Variants in CCDC8 observed in about 807,000 individuals in gnomAD.
CCDC8 encodes coiled-coil domain-containing protein 8.
Under a neutral mutation model 5.2 loss-of-function variants are expected in CCDC8, and 6 were observed. The observed-to-expected ratio is 1.16, with a 90% CI of 0.63 to 2.28. The LOEUF (loss-of-function observed/expected upper bound fraction) is 2.28. Among genes scored for constraint, CCDC8 ranks in the 30% most tolerant of loss-of-function variants. The probability of loss-of-function intolerance (pLI) is 0.00; values close to 1 mark genes in which losing one functional copy is unlikely to be tolerated. For synonymous variants in CCDC8, 310 were observed against 286.5 expected (o/e 1.08, Z -0.83); for missense variants, 724 against 712.2 (o/e 1.02, Z -0.19).
Position 46,410,539 on chromosome 19 carries a change from G to C in CCDC8, c.*655C>G, listed in dbSNP as rs1307884662. Reference sequence around the variant, plus strand: ...TGTCTCCATCATCAAGGATGGGAGTGGAACGGACAGCAAGGGCCAGGTCAC... The same window carrying C: ...TGTCTCCATCATCAAGGATGGGAGTCGAACGGACAGCAAGGGCCAGGTCAC... On this transcript the variant is annotated 3_prime_UTR_variant, in exon 1 of 1. Transcript: ENST00000307522. 1.3e-5 allele frequency: 2 copies of C among 152,532 alleles called. No homozygotes were observed. The highest frequency in any genetic ancestry group is 2.9e-5 in the Non-Finnish European group (2 of 68,334). 9.4% of individuals were successfully genotyped at this position (152,532 alleles called of 1,614,324 possible).
At position 46,411,383 on chromosome 19, in the gene CCDC8, C is replaced by G; in HGVS notation, c.1428G>C (p.Lys476Asn). The G allele has an allele frequency of 6.2e-7, 1 of 1,614,236 alleles. No homozygotes were observed. Among genetic ancestry groups the G allele is most frequent in the Non-Finnish European group, 8.5e-7 (1 of 1,180,030 alleles). Reference protein sequence around the residue: ...APGARARKQVKTVRFQTPGRF... With the variant: ...APGARARKQVNTVRFQTPGRF... ...GTCCAGGGGTCTGGAACCTCACTGTCTTGACCTGTTTCCGGGCCCTGGCTC... is the reference window on the plus strand; with the variant it reads ...GTCCAGGGGTCTGGAACCTCACTGTGTTGACCTGTTTCCGGGCCCTGGCTC... Residue 476 changes from lysine to asparagine, a missense_variant, in exon 1 of 1, where the codon AAG becomes AAC. Transcript: ENST00000307522.
rs758223111 is a variant in CCDC8 at position 46,411,350 on chromosome 19, C to T, written c.1461G>A (p.Ser487=). The T allele has an allele frequency of 8.9e-5, 143 of 1,614,200 alleles. 2 individuals carry two copies. The South Asian group carries it at 1.2e-3, about 14-fold the overall frequency. The part of the protein sequence containing the change: ...TVRFQTPGRF[S]WFCKRRRAFW... The stretch of plus-strand genomic sequence containing the variant: ...AGGCTCTCCGGCGCTTGCAAAACCA[C>T]GAAAAGCGTCCAGGGGTCTGGAACC... Residue 487 remains serine (S), a synonymous_variant, in exon 1 of 1, where the codon TCG becomes TCA. Coordinates refer to ENST00000307522, the MANE Select transcript of CCDC8 (RefSeq NM_032040.5).
Position 46,411,932 on chromosome 19 carries a change from A to G in CCDC8, c.879T>C (p.Ala293=). The G allele has an allele frequency of 1.9e-6, 3 of 1,611,274 alleles. No individual in the cohort carries two copies. Among genetic ancestry groups the G allele is most frequent in the African/African-American group, 1.3e-5 (1 of 74,914 alleles). ...TATCTGCAGCCTCTCCCCCCTGATC[A>G]GCCTCGATGTCTGCCCCCTGACCTG... The part of the protein sequence containing the change: ...APTGQGADIE[A]DQGGEAADSQ... The change falls in exon 1 of 1, where the codon GCT becomes GCC. Residue 293 remains alanine (A), a synonymous_variant. Transcript: ENST00000307522.
At position 46,410,594 on chromosome 19, in the gene CCDC8, A is replaced by G. The variant is rs899432907; in HGVS notation, c.*600T>C. 1.3e-5 allele frequency: 2 copies of G among 153,376 alleles called. No individual in the cohort carries two copies. Among genetic ancestry groups the G allele is most frequent in the African/African-American group, 4.8e-5 (2 of 41,362 alleles). 9.5% of individuals were successfully genotyped at this position (153,376 alleles called of 1,614,324 possible). On this transcript the variant is annotated 3_prime_UTR_variant, in exon 1 of 1. Coordinates refer to ENST00000307522, the MANE Select transcript of CCDC8 (RefSeq NM_032040.5). Reference sequence around the variant, plus strand: ...AGAGCATTCGTCAGTTGTCAAGTCCAAAGCTAAGAAATCAGTTCATAAATG... The same window carrying G: ...AGAGCATTCGTCAGTTGTCAAGTCCGAAGCTAAGAAATCAGTTCATAAATG...
chr19:46,411,710 C>G lies in CCDC8; in HGVS notation c.1101G>C (p.Gln367His), dbSNP rs760381430. Residue 367 changes from glutamine (Q) to histidine (H), a missense_variant, in exon 1 of 1, where the codon CAG (glutamine) becomes CAC (histidine). By Grantham distance (24) the Gln-to-His change is conservative. Transcript: ENST00000307522. ...DNQREEAADN[Q>H]RAEAPADQRS... ...TCTGGTCAGCTGGGGCCTCTGCCCT[C>G]TGATTATCTGCAGCCTCTTCCCTCT... 1 of 1,613,338 alleles carries G rather than the reference C, an allele frequency of 6.2e-7. No homozygotes were observed. Among genetic ancestry groups the G allele is most frequent in the South Asian group, 1.1e-5 (1 of 90,988 alleles).
Position 46,412,055 on chromosome 19 carries a change from C to G in CCDC8, c.756G>C (p.Ala252=). Residue 252 remains alanine, a synonymous_variant, in exon 1 of 1, where the codon GCG becomes GCC. Coordinates refer to ENST00000307522, the MANE Select transcript of CCDC8 (RefSeq NM_032040.5). This position sits in a 1 kb window ranked among gnomAD's most constrained non-coding sequence, Gnocchi z 4.7. ...AAGCCTGGGGCACACAAACATCTCC[C>G]GCGTTTCCCAAGCGATCCCCCGGGC... ...GTSPGDRLGN[A]GDVCVPQASP... 1.9e-6 allele frequency: 3 copies of G among 1,600,778 alleles called. No homozygotes were observed. The highest frequency in any genetic ancestry group is 8.5e-7 in the Non-Finnish European group (1 of 1,179,958).
Position 46,412,679 on chromosome 19 carries a change from G to T in CCDC8, c.132C>A (p.Phe44Leu), listed in dbSNP as rs1011714167. 7 of 1,611,222 alleles carry T rather than the reference G, an allele frequency of 4.3e-6. No homozygotes were observed. The African/African-American group carries it at 9.4e-5, about 22-fold the overall frequency. ...CCAGGGTGCGGCCCTCTTCTTCCAG[G>T]AACTGGGTCAGCCGCTCCCGAAATT... is the stretch of plus-strand genomic sequence containing the variant. ...EAEFRERLTQ[F>L]LEEEGRTLED... The change falls in exon 1 of 1, where the codon TTC becomes TTA. Residue 44 changes from phenylalanine to leucine, a missense_variant. Physicochemically the swap from Phe to Leu is conservative, Grantham distance 22. Transcript: ENST00000307522. The surrounding 1 kb of genome is among the most constrained non-coding windows in gnomAD (Gnocchi z 4.7).
At position 46,412,531 on chromosome 19, in the gene CCDC8, C is replaced by A; in HGVS notation, c.280G>T (p.Val94Leu). 6 of 1,607,996 alleles carry A rather than the reference C, an allele frequency of 3.7e-6. No homozygotes were observed. The highest frequency in any genetic ancestry group is 5.1e-6 in the Non-Finnish European group (6 of 1,179,772). Residue 94 changes from valine to leucine, a missense_variant, in exon 1 of 1, where the codon GTG becomes TTG. Physicochemically the swap from Val to Leu is conservative, Grantham distance 32 (BLOSUM62 1). Coordinates refer to ENST00000307522, the MANE Select transcript of CCDC8 (RefSeq NM_032040.5). This position sits in a 1 kb window ranked among gnomAD's most constrained non-coding sequence, Gnocchi z 4.7. ...GCGTTGCTGCTGTCGTACGTGCCCA[C>A]GACCAGCCGGGGCGGAGGAGTCACC... ...QMVTPPPRLV[V>L]GTYDSSNASD...
rs369173769 is a variant in CCDC8 at position 46,411,978 on chromosome 19, C to T, written c.833G>A (p.Arg278Lys). The T allele has an allele frequency of 2.5e-6, 4 of 1,608,612 alleles. No homozygotes were observed. The highest frequency in any genetic ancestry group is 3.4e-6 in the Non-Finnish European group (4 of 1,179,852). ...KINWASFRRR[R>K]KEQTAPTGQG... The stretch of plus-strand genomic sequence containing the variant: ...ACCTGTGGGTGCTGTCTGCTCCTTC[C>T]TGCGGCGCCGAAAGGAGGCCCAGTT... The change falls in exon 1 of 1, where the codon AGG (arginine) becomes AAG (lysine). Residue 278 changes from arginine (R) to lysine (K), a missense_variant. By Grantham distance (26) the Arg-to-Lys change is conservative. Transcript: ENST00000307522.
rs567845896 is a variant in CCDC8, at chr19:46,412,644, G to A, written c.167C>T (p.Ala56Val). The change falls in exon 1 of 1, where the codon GCC (alanine) becomes GTC (valine). Residue 56 changes from alanine (A) to valine (V), a missense_variant. Ala to Val is a moderately conservative substitution (Grantham distance 64). Transcript: ENST00000307522. The surrounding 1 kb of genome is among the most constrained non-coding windows in gnomAD (Gnocchi z 4.7). ...CGGGGTGCTCTTCTCCATGATGCGG[G>A]CCACGTCCTCCAGGGTGCGGCCCTC... The part of the protein sequence containing the change: ...EEEGRTLEDV[A>V]RIMEKSTPHP... The A allele has an allele frequency of 2.0e-4, 316 of 1,606,626 alleles. 3 individuals are homozygous for A. In the South Asian group the frequency reaches 3.3e-3, roughly 17 times the overall value.
Position 46,411,397 on chromosome 19 carries a change from G to A in CCDC8, c.1414C>T (p.Arg472Trp), listed in dbSNP as rs374344029. The change falls in exon 1 of 1, where the codon CGG (arginine) becomes TGG (tryptophan). Residue 472 changes from arginine to tryptophan, a missense_variant. Arg to Trp is a moderately radical substitution (Grantham distance 101, BLOSUM62 -3). Coordinates refer to ENST00000307522, the MANE Select transcript of CCDC8 (RefSeq NM_032040.5). ...TTGTAPGARA[R>W]KQVKTVRFQT... ...AACCTCACTGTCTTGACCTGTTTCC[G>A]GGCCCTGGCTCCTGGAGCTGTTCCT... The A allele has an allele frequency of 3.5e-5, 56 of 1,614,196 alleles. 1 individual carries two copies. Among genetic ancestry groups the A allele is most frequent in the South Asian group, 5.5e-5 (5 of 91,078 alleles).
In CCDC8 at chr19:46,411,299, G is replaced by A. The variant is rs373026074; in HGVS notation, c.1512C>T (p.Thr504=). The change falls in exon 1 of 1, where the codon ACC becomes ACT. Residue 504 remains threonine (T), a synonymous_variant. Transcript: ENST00000307522. The part of the protein sequence containing the change: ...RAFWHTPRLP[T]LPKRVPRAGE... Reference sequence around the variant, plus strand: ...CTGCCCTGGGGACTCTCTTGGGCAGGGTTGGCAACCGGGGAGTGTGCCAGA... The same window carrying A: ...CTGCCCTGGGGACTCTCTTGGGCAGAGTTGGCAACCGGGGAGTGTGCCAGA... 1 of 1,614,200 alleles carries A rather than the reference G, an allele frequency of 6.2e-7. No homozygotes were observed. Among genetic ancestry groups the A allele is most frequent in the Non-Finnish European group, 8.5e-7 (1 of 1,180,034 alleles).
In CCDC8 at chr19:46,411,566, C is replaced by A. The variant is rs891066458; in HGVS notation, c.1245G>T (p.Gln415His). The A allele has an allele frequency of 6.2e-6, 10 of 1,613,532 alleles. No individual in the cohort carries two copies. The African/African-American group carries it at 1.3e-4, about 22-fold the overall frequency. ...DNQREEAVHD[Q>H]RERAPAVQGA... ...CCTGGACAGCTGGGGCCCTTTCCCT[C>A]TGGTCATGTACGGCCTCTTCCCTTT... The change falls in exon 1 of 1, where the codon CAG (glutamine) becomes CAT (histidine). Residue 415 changes from glutamine to histidine, a missense_variant. Transcript: ENST00000307522.
In CCDC8 at chr19:46,412,531, C is replaced by T; in HGVS notation, c.280G>A (p.Val94Met). The T allele has an allele frequency of 6.2e-7, 1 of 1,607,996 alleles. No homozygotes were observed. The highest frequency in any genetic ancestry group is 2.2e-5 in the East Asian group (1 of 44,856). ...GCGTTGCTGCTGTCGTACGTGCCCA[C>T]GACCAGCCGGGGCGGAGGAGTCACC... is the stretch of plus-strand genomic sequence containing the variant. ...QMVTPPPRLVVGTYDSSNASD... is the reference protein window; with the variant it reads ...QMVTPPPRLVMGTYDSSNASD... Residue 94 changes from valine to methionine, a missense_variant, in exon 1 of 1, where the codon GTG becomes ATG. Physicochemically the swap from Val to Met is conservative, Grantham distance 21. Transcript: ENST00000307522. This position sits in a 1 kb window ranked among gnomAD's most constrained non-coding sequence, Gnocchi z 4.7.
chr19:46,412,249 G>C lies in CCDC8; in HGVS notation c.562C>G (p.Leu188Val). The change falls in exon 1 of 1, where the codon CTG (leucine) becomes GTG (valine). Residue 188 changes from leucine (L) to valine (V), a missense_variant. Coordinates refer to ENST00000307522, the MANE Select transcript of CCDC8 (RefSeq NM_032040.5). This position sits in a 1 kb window ranked among gnomAD's most constrained non-coding sequence, Gnocchi z 4.7. ...PMFEDNLGPQ[L>V]SKADRWREYV... ...TCCCGCCACCTGTCCGCTTTGGACA[G>C]CTGAGGCCCCAGGTTGTCCTCAAAC... 1 of 1,602,030 alleles carries C rather than the reference G, an allele frequency of 6.2e-7. No individual in the cohort carries two copies. The highest frequency in any genetic ancestry group is 2.2e-5 in the East Asian group (1 of 44,864).
rs144500261 is a variant in CCDC8, at chr19:46,411,988, G to A, written c.823C>T (p.Arg275Trp). The change falls in exon 1 of 1, where the codon CGG (arginine) becomes TGG (tryptophan). Residue 275 changes from arginine (R) to tryptophan (W), a missense_variant. Arg to Trp is a moderately radical substitution (Grantham distance 101). Transcript: ENST00000307522. ...GCTGTCTGCTCCTTCCTGCGGCGCC[G>A]AAAGGAGGCCCAGTTGATCTTGGGC... is the stretch of plus-strand genomic sequence containing the variant. ...WRPKINWASF[R>W]RRRKEQTAPT... 21 of 1,607,256 alleles carry A rather than the reference G, an allele frequency of 1.3e-5. No homozygotes were observed. Among genetic ancestry groups the A allele is most frequent in the African/African-American group, 4.0e-5 (3 of 75,038 alleles).
Position 46,411,446 on chromosome 19 carries a change from T to G in CCDC8, c.1365A>C (p.Glu455Asp), listed in dbSNP as rs1267292678. ...RAGAPGIQEA[E>D]VSAAQGTTGT... ...CTGTGGTCCCTTGGGCAGCTGAGAC[T>G]TCAGCTTCCTGGATACCTGGGGCCC... The change falls in exon 1 of 1, where the codon GAA becomes GAC. Residue 455 changes from glutamate (E) to aspartate (D), a missense_variant. Coordinates refer to ENST00000307522, the MANE Select transcript of CCDC8 (RefSeq NM_032040.5). 3 of 1,614,184 alleles carry G rather than the reference T, an allele frequency of 1.9e-6. No homozygotes were observed. Among genetic ancestry groups the G allele is most frequent in the Non-Finnish European group, 2.5e-6 (3 of 1,180,012 alleles).
Position 46,412,879 on chromosome 19 carries a change from G to C in CCDC8, c.-69C>G. On this transcript the variant is annotated 5_prime_UTR_variant, in exon 1 of 1. Transcript: ENST00000307522. This position sits in a 1 kb window ranked among gnomAD's most constrained non-coding sequence, Gnocchi z 4.7. ...TTCTTAAATGTCCCCACGGGCTTTA[G>C]GGCTTCCACGAGGACGTCCAAATCC... is the stretch of plus-strand genomic sequence containing the variant. The C allele has an allele frequency of 6.3e-7, 1 of 1,583,658 alleles. No individual in the cohort carries two copies. Among genetic ancestry groups the C allele is most frequent in the Non-Finnish European group, 8.6e-7 (1 of 1,162,070 alleles).
Position 46,411,573 on chromosome 19 carries a change from T to G in CCDC8, c.1238A>C (p.His413Pro), listed in dbSNP as rs1302903418. 2 of 1,612,778 alleles carry G rather than the reference T, an allele frequency of 1.2e-6. No homozygotes were observed. The highest frequency in any genetic ancestry group is 1.7e-6 in the Non-Finnish European group (2 of 1,179,804). The change falls in exon 1 of 1, where the codon CAT becomes CCT. Residue 413 changes from histidine to proline, a missense_variant. Transcript: ENST00000307522. ...VTDNQREEAV[H>P]DQRERAPAVQ... is the part of the protein sequence containing the mutation. ...AGCTGGGGCCCTTTCCCTCTGGTCA[T>G]GTACGGCCTCTTCCCTTTGATTATC... is the stretch of plus-strand genomic sequence containing the variant.
Sources: allele counts gnomAD v4.1 joint callset, GRCh38; gene constraint gnomAD v4.1.1; non-coding constraint Gnocchi (gnomAD v3.1); transcripts MANE v1.5; gene names NCBI Gene and HGNC (gene_info 2026-07-23, HGNC 2026-07-21).